Variants in RANBP2 observed in about 807,000 individuals in gnomAD.
The protein encoded by RANBP2 is RAN binding protein 2.
Under a neutral mutation model 303.6 loss-of-function variants are expected in RANBP2, and 57 were observed. That is an observed-to-expected ratio of 0.19 (90% CI 0.15 to 0.23). The LOEUF is 0.23. Among genes scored for constraint, RANBP2 ranks in the 10% least tolerant of loss-of-function variants. The probability of loss-of-function intolerance (pLI) is 1.00; values close to 1 mark genes in which losing one functional copy is unlikely to be tolerated. For synonymous variants in RANBP2, 1,167 were observed against 1,301.5 expected (o/e 0.90, Z 2.23); for missense variants, 3,138 against 3,780.8 (o/e 0.83, Z 4.46).
At chr2:109,359,148 C>T in the RANBP2 span, among the ~76,000 whole-genome samples, 27 of 152,166 alleles carry the variant, frequency 1.8e-4, no homozygotes, top group Admixed American at 1.8e-3. Flanking sequence ...TTGTCTATTG[C>T]ATTGCCAATG....
the RANBP2 span, among the ~76,000 whole-genome samples, chr2:108,825,485 G>A: frequency 6.6e-6 from 1 of 151,402 alleles, no homozygotes; most frequent in Admixed American, 6.6e-5. Flanking sequence ...AGCACTTCCA[G>A]TCCTAGGCAA....
chr2:109,616,134 G>A, the RANBP2 span: 11 of 1,420,476 alleles, frequency 7.7e-6, no homozygotes, highest in Non-Finnish European at 1.0e-5. Context: ...GGTGTTGTAA[G>A]GAAGTGAGAC....
rs1371265459 is a variant in RANBP2, at chr2:108,758,499, G to A, written c.2553G>A (p.Val851=). Residue 851 remains valine (V), a synonymous_variant, in exon 18 of 29, where the codon GTG becomes GTA. Transcript: ENST00000283195. ...WPTENYGPDS[V]PDGYQGSQTF... ...CAGAGAATTATGGACCAGACTCAGTGCCTGATGGATATCAGGGGTCACAGA... is the reference window on the plus strand; with the variant it reads ...CAGAGAATTATGGACCAGACTCAGTACCTGATGGATATCAGGGGTCACAGA... 3 of 1,611,130 alleles carry A rather than the reference G, an allele frequency of 1.9e-6. No individual in the cohort carries two copies. In the African/African-American group the frequency reaches 4.0e-5, roughly 22 times the overall value.
At chr2:109,477,955 T>C in the RANBP2 span, among the ~76,000 whole-genome samples, 1 of 152,186 alleles carries the variant, frequency 6.6e-6, no homozygotes, top group Non-Finnish European at 1.5e-5. Flanking sequence ...TGCCCTGCCT[T>C]TGCTGGAGGG....
the RANBP2 span, among the ~76,000 whole-genome samples, chr2:109,060,538 T>C: frequency 6.6e-6 from 1 of 152,234 alleles, no homozygotes; most frequent in Non-Finnish European, 1.5e-5. Flanking sequence ...CTATAGCGTT[T>C]TAAGAACCTT....
At chr2:109,372,106 C>G in the RANBP2 span, among the ~76,000 whole-genome samples, 1 of 152,238 alleles carries the variant, frequency 6.6e-6, no homozygotes, top group Non-Finnish European at 1.5e-5. Flanking sequence ...TTGGAAGGAA[C>G]CGTTGCTGGC....
chr2:109,467,532 C>T, the RANBP2 span, among the ~76,000 whole-genome samples: 1 of 152,172 alleles, frequency 6.6e-6, no homozygotes, highest in East Asian at 1.9e-4. Flanking sequence ...GTGAGGGCAG[C>T]GGCAATGCAC....
chr2:109,022,274 G>A, the RANBP2 span, among the ~76,000 whole-genome samples: 1 of 152,170 alleles, frequency 6.6e-6, no homozygotes, highest in African/African-American at 2.4e-5. Flanking sequence ...TCAATAACCA[G>A]CAACTGTGGT....
chr2:109,338,948 G>A, the RANBP2 span, among the ~76,000 whole-genome samples: 1 of 152,186 alleles, frequency 6.6e-6, no homozygotes, highest in African/African-American at 2.4e-5. Flanking sequence ...TATCTTGGGA[G>A]AACTATACAT....
the RANBP2 span, among the ~76,000 whole-genome samples, chr2:108,924,880 A>G: frequency 6.6e-6 from 1 of 152,162 alleles, no homozygotes; most frequent in Non-Finnish European, 1.5e-5. Flanking sequence ...TGGCCTTGTG[A>G]GTTCACGGGC....
the RANBP2 span, among the ~76,000 whole-genome samples, chr2:109,555,379 T>A: frequency 5.3e-5 from 8 of 152,298 alleles, no homozygotes; most frequent in African/African-American, 1.9e-4. Flanking sequence ...GTGGCCACTG[T>A]CCACCTTCTA....
the RANBP2 span, among the ~76,000 whole-genome samples, chr2:109,342,851 T>C: frequency 1.3e-5 from 2 of 152,260 alleles, no homozygotes; most frequent in African/African-American, 4.8e-5. Flanking sequence ...AGCCATGAAA[T>C]TGACATTATA....
At chr2:109,778,437 T>C in the RANBP2 span, among the ~76,000 whole-genome samples, 1 of 149,900 alleles carries the variant, frequency 6.7e-6, no homozygotes, top group Non-Finnish European at 1.5e-5. Context: ...TCTTAGCTTT[T>C]CTATTATCTC....
the RANBP2 span, among the ~76,000 whole-genome samples, chr2:109,268,854 G>A: frequency 1.3e-5 from 2 of 152,308 alleles, no homozygotes; most frequent in South Asian, 4.1e-4. Context: ...CAGGTTGGGT[G>A]TATTCAATGA....
chr2:109,304,819 T>C, the RANBP2 span, among the ~76,000 whole-genome samples: 7 of 152,242 alleles, frequency 4.6e-5, no homozygotes, highest in African/African-American at 1.4e-4. Flanking sequence ...ATTGCTAGAT[T>C]AGACCTCGTG....
chr2:109,732,900 G>A, the RANBP2 span: 1 of 885,522 alleles, frequency 1.1e-6, no homozygotes, highest in South Asian at 1.3e-5. Flanking sequence ...GAACTAGATG[G>A]AAGAACACTA....
the RANBP2 span, among the ~76,000 whole-genome samples, chr2:109,364,955 G>A: frequency 4.4e-4 from 67 of 152,254 alleles, no homozygotes; most frequent in African/African-American, 1.5e-3. Context: ...ACTGGGTGTA[G>A]TGGCACACGC....
chr2:109,454,141 T>G, the RANBP2 span, among the ~76,000 whole-genome samples: 3 of 152,240 alleles, frequency 2.0e-5, no homozygotes, highest in Non-Finnish European at 4.4e-5. Context: ...ACAAAGGTAC[T>G]GCTTAATATA....
the RANBP2 span, among the ~76,000 whole-genome samples, chr2:109,157,090 A>C: frequency 6.6e-6 from 1 of 152,220 alleles, no homozygotes; most frequent in Admixed American, 6.5e-5. Context: ...AGGTGGCTCC[A>C]GGCTCATAGC....
Sources: allele counts gnomAD v4.1 joint callset (sites outside exome capture counted in the v4.1 genomes callset), GRCh38; gene constraint gnomAD v4.1.1; transcripts MANE v1.5; gene names NCBI Gene and HGNC (gene_info 2026-07-23, HGNC 2026-07-21).